SGK1: variants seen among roughly 807,000 people sequenced by gnomAD.
SGK1 encodes the protein serine/threonine-protein kinase Sgk1.
Under a neutral mutation model 64.2 loss-of-function variants are expected in SGK1, and 26 were observed. The observed-to-expected ratio is 0.40, with a 90% CI of 0.30 to 0.56. SGK1 has a LOEUF of 0.56. Ranked by LOEUF, SGK1 falls within the 20% of genes least tolerant of loss-of-function variation. The pLI is 0.38. For synonymous variants in SGK1, 265 were observed against 239.7 expected, an observed-to-expected ratio of 1.11 and a Z score of -0.98; for missense variants, 519 against 645.6, an observed-to-expected ratio of 0.80 and a Z score of 2.12.
At chr6:134,180,787 C>T (rs929108899) in intron 3 of SGK1, among the ~76,000 whole-genome samples, 4 of 150,816 alleles carry the variant, frequency 2.7e-5, no homozygotes, top group African/African-American at 7.3e-5. Flanking sequence ...GGGAGAATCG[C>T]TTGAGCCCAG....
intron 2 of SGK1, among the ~76,000 whole-genome samples, chr6:134,246,372 G>GT (rs1776525456): frequency 6.6e-6 from 1 of 151,346 alleles, no homozygotes; most frequent in Admixed American, 6.6e-5. Flanking sequence ...GTTAGGGCTG[G>GT]TCTCGAACTC....
chr6:134,214,089 A>AT (rs79397796), intron 2 of SGK1, among the ~76,000 whole-genome samples: 79 of 150,328 alleles, frequency 5.3e-4, no homozygotes, highest in Middle Eastern at 3.5e-3. Context: ...TATTAAAAAA[A>AT]ATTTTTTTTT....
At chr6:134,220,068 AAAAAAAAAAAAAAAAAAAAG>A (rs1223300469) in intron 2 of SGK1, among the ~76,000 whole-genome samples, 1 of 143,108 alleles carries the variant, frequency 7.0e-6, no homozygotes, top group Admixed American at 7.3e-5. Context: ...CAAAAAAAAA[AAAAAAAAAAAAAAAAAAAAG>A]AAAAGAAAAG....
At chr6:134,178,470 C>G (rs1185681918) in intron 3 of SGK1, among the ~76,000 whole-genome samples, 1 of 152,164 alleles carries the variant, frequency 6.6e-6, no homozygotes, top group Admixed American at 6.5e-5. Context: ...TAACACTGCA[C>G]AGGCATTAGG....
In SGK1 at chr6:134,310,562, A is replaced by T. The variant is rs74351512; in HGVS notation, c.69+6830T>A. On this transcript the variant is annotated intron_variant, in intron 1 of 13. Transcript: ENST00000367858. ...TTTAGGATTCTAGTTGGGAGGATAC[A>T]TAATGCAGATACTATATAGTTTTTG... 2.0e-5 allele frequency among the ~76,000 whole-genome samples: 3 copies of T among 152,310 alleles called. No individual in the cohort carries two copies. The East Asian group carries it at 5.8e-4, about 29-fold the overall frequency.
intron 3 of SGK1, chr6:134,174,950 C>G: frequency 7.0e-7 from 1 of 1,428,226 alleles, no homozygotes; most frequent in Non-Finnish European, 9.2e-7. Flanking sequence ...CCCCGCCCTT[C>G]GCCTCGCCCC....
chr6:134,234,988 G>A (rs1329079853), intron 2 of SGK1, among the ~76,000 whole-genome samples: 1 of 152,010 alleles, frequency 6.6e-6, no homozygotes, highest in South Asian at 2.1e-4. Flanking sequence ...ATGAGGAGAG[G>A]CAAACAAGAC....
intron 2 of SGK1, among the ~76,000 whole-genome samples, chr6:134,244,649 T>C (rs1776498239): frequency 6.6e-6 from 1 of 152,136 alleles, no homozygotes; most frequent in South Asian, 2.1e-4. Context: ...CTGCATCCAC[T>C]GTCTAACCAG....
intron 1 of SGK1, among the ~76,000 whole-genome samples, chr6:134,309,844 T>G (rs980771879): frequency 6.6e-6 from 1 of 152,206 alleles, no homozygotes; most frequent in Admixed American, 6.5e-5. Context: ...GTTAGGAATG[T>G]TGATATTTAC....
chr6:134,171,839 G>A (rs1459069907), intron 10 of SGK1, 107 bp from the exon 11 acceptor site: 1 of 725,834 alleles, frequency 1.4e-6, no homozygotes, highest in East Asian at 2.7e-5. Context: ...CAGCTTGGAA[G>A]ATAGATATCT....
intron 3 of SGK1, among the ~76,000 whole-genome samples, chr6:134,184,360 C>T (rs556537854): frequency 6.6e-6 from 1 of 151,946 alleles, no homozygotes; most frequent in South Asian, 2.1e-4. Context: ...CAAAAATTAG[C>T]TGGGCGTGGT....
intron 2 of SGK1, among the ~76,000 whole-genome samples, chr6:134,226,711 T>A (rs1478590600): frequency 4.0e-5 from 6 of 151,514 alleles, no homozygotes; most frequent in African/African-American, 1.5e-4. Flanking sequence ...AAAATAAAAA[T>A]AAAAATAAAT....
chr6:134,295,931 CT>C (rs1454562716), intron 1 of SGK1, among the ~76,000 whole-genome samples: 1 of 152,176 alleles, frequency 6.6e-6, no homozygotes, highest in East Asian at 1.9e-4. Context: ...AAAGTGGATT[CT>C]CTTTTACTCC....
At chr6:134,203,019 A>C (rs944625828) in intron 3 of SGK1, among the ~76,000 whole-genome samples, 3 of 152,092 alleles carry the variant, frequency 2.0e-5, no homozygotes, top group Non-Finnish European at 4.4e-5. Context: ...CGAGGTGGGC[A>C]GATCACTTGA....
At chr6:134,197,879 TATAAA>T (rs1249804051) in intron 3 of SGK1, among the ~76,000 whole-genome samples, 1,953 of 86,222 alleles carry the variant, frequency 0.023, 30 homozygotes, top group Non-Finnish European at 0.033. Context: ...TAAAATAAAA[TATAAA>T]ATAAAATAAA....
At chr6:134,187,712 C>G (rs1004457317) in intron 3 of SGK1, among the ~76,000 whole-genome samples, 18 of 152,202 alleles carry the variant, frequency 1.2e-4, no homozygotes, top group Admixed American at 1.2e-3. Context: ...AGAAGCAGTG[C>G]TGTGTCTGTG....
rs141130901 is a variant in SGK1, at chr6:134,316,743, C to CAAA, written c.69+646_69+648dup. 1.1e-3 allele frequency among the ~76,000 whole-genome samples: 43 copies of CAAA among 39,336 alleles called. 3 individuals carry two copies. The highest frequency in any genetic ancestry group is 1.5e-3 in the Non-Finnish European group (35 of 22,732). The allele number at this position is 39,336 out of a possible 152,430, so 25.8% of individuals were successfully genotyped here. ...ATACAGACCTCCCACTGCTCTCTCC[C>CAAA]AAAAAAAAAAAAAAAAAAAAAAAAA... On this transcript the variant is annotated intron_variant, in intron 1 of 13. Coordinates refer to ENST00000367858, the MANE Select transcript of SGK1 (RefSeq NM_001143676.3).
intron 3 of SGK1, among the ~76,000 whole-genome samples, chr6:134,197,721 G>A (rs1270500263): frequency 6.6e-6 from 1 of 151,918 alleles, no homozygotes. Context: ...AGCTACTTGG[G>A]AGGCAGAGGC....
At chr6:134,215,137 T>TCTTTC (rs61352735) in intron 2 of SGK1, 3 of 349,902 alleles carry the variant, frequency 8.6e-6, no homozygotes, top group African/African-American at 4.6e-5. Context: ...TTTCTTTCTT[T>TCTTTC]TTTTTTTTTT....
Sources: allele counts gnomAD v4.1 joint callset (sites outside exome capture counted in the v4.1 genomes callset), GRCh38; gene constraint gnomAD v4.1.1; transcripts MANE v1.5; gene names NCBI Gene and HGNC (gene_info 2026-07-23, HGNC 2026-07-21).